Variants in MACROD2 observed in about 807,000 individuals in gnomAD.
The protein encoded by MACROD2 is mono-ADP ribosylhydrolase 2, also known as ADP-ribose glycohydrolase MACROD2.
A neutral mutation model predicts 70.4 loss-of-function variants in MACROD2; 36 were observed. The observed-to-expected ratio is 0.51, with a 90% CI of 0.39 to 0.68. The LOEUF (loss-of-function observed/expected upper bound fraction) is 0.68. Ranked by LOEUF, MACROD2 falls within the 30% of genes least tolerant of loss-of-function variation. The pLI is 0.00. For synonymous variants in MACROD2, 172 were observed against 178.8 expected, an observed-to-expected ratio of 0.96 and a Z score of 0.30; for missense variants, 496 against 538.4, an observed-to-expected ratio of 0.92 and a Z score of 0.78.
chr20:16,049,161 T>C (rs767058193), intron 17 of MACROD2, among the ~76,000 whole-genome samples: 4 of 151,646 alleles, frequency 2.6e-5, no homozygotes, highest in Non-Finnish European at 5.9e-5. Context: ...AGGAGTGGGG[T>C]AGTAGGGAAG....
intron 6 of MACROD2, among the ~76,000 whole-genome samples, chr20:15,406,096 C>A (rs891658843): frequency 6.6e-6 from 1 of 152,086 alleles, no homozygotes; most frequent in Non-Finnish European, 1.5e-5. Flanking sequence ...CTTGACAGGT[C>A]CTTTCACTGC....
intron 8 of MACROD2, among the ~76,000 whole-genome samples, chr20:15,746,548 T>G (rs1354463855): frequency 6.8e-6 from 1 of 147,858 alleles, no homozygotes; most frequent in Non-Finnish European, 1.5e-5. Flanking sequence ...TTGGCATGGT[T>G]GTTTGGTTTC....
At chr20:14,588,397 G>T (rs1392866024) in intron 4 of MACROD2, among the ~76,000 whole-genome samples, 1 of 152,012 alleles carries the variant, frequency 6.6e-6, no homozygotes, top group Non-Finnish European at 1.5e-5. Flanking sequence ...ACCTTAATAG[G>T]TCTTAAAAAT....
intron 3 of MACROD2, among the ~76,000 whole-genome samples, chr20:14,194,209 G>A (rs1260672427): frequency 6.6e-6 from 1 of 152,144 alleles, no homozygotes; most frequent in East Asian, 1.9e-4. Context: ...CTGTGGGTGG[G>A]TAAGTGGCTT....
At chr20:14,449,993 A>C (rs757609045) in intron 3 of MACROD2, among the ~76,000 whole-genome samples, 13 of 152,240 alleles carry the variant, frequency 8.5e-5, no homozygotes, top group Non-Finnish European at 1.5e-4. Context: ...AGCCCTGGAA[A>C]GACTGAAGGC....
At chr20:14,653,212 A>G (rs1162258347) in intron 4 of MACROD2, among the ~76,000 whole-genome samples, 2 of 142,516 alleles carry the variant, frequency 1.4e-5, no homozygotes, top group Non-Finnish European at 3.0e-5. Flanking sequence ...CAACATGTAC[A>G]GCAATTTTTT....
chr20:15,483,901 A>G (rs1363039569), intron 7 of MACROD2, among the ~76,000 whole-genome samples: 1 of 152,072 alleles, frequency 6.6e-6, no homozygotes, highest in East Asian at 1.9e-4. Flanking sequence ...TGACTTTTGT[A>G]TATTAACCTT....
At chr20:14,179,416 A>C (rs1288205589) in intron 3 of MACROD2, among the ~76,000 whole-genome samples, 1 of 152,114 alleles carries the variant, frequency 6.6e-6, no homozygotes. Context: ...GCCCTTGCTA[A>C]GTTTTCTATT....
chr20:16,015,106 C>G (rs2066911972), intron 15 of MACROD2, among the ~76,000 whole-genome samples: 1 of 152,030 alleles, frequency 6.6e-6, no homozygotes, highest in Non-Finnish European at 1.5e-5. Flanking sequence ...CCCTTAAAGA[C>G]TAAGAAGGAA....
intron 3 of MACROD2, among the ~76,000 whole-genome samples, chr20:14,372,596 T>C (rs755526468): frequency 6.6e-6 from 1 of 152,148 alleles, no homozygotes; most frequent in Non-Finnish European, 1.5e-5. Flanking sequence ...TATTAAATTG[T>C]TTCTTTGCTT....
At chr20:14,883,174 T>G (rs1260821143) in intron 5 of MACROD2, among the ~76,000 whole-genome samples, 2 of 152,164 alleles carry the variant, frequency 1.3e-5, no homozygotes, top group African/African-American at 4.8e-5. Context: ...CAACAACCCA[T>G]TTCCTAAAAA....
chr20:15,713,063 T>C (rs2050652190), intron 8 of MACROD2, among the ~76,000 whole-genome samples: 1 of 152,110 alleles, frequency 6.6e-6, no homozygotes, highest in South Asian at 2.1e-4. Context: ...TTTTCTTGGA[T>C]AGATTATTAA....
At chr20:14,102,788 G>T (rs1051431624) in intron 3 of MACROD2, among the ~76,000 whole-genome samples, 5 of 152,136 alleles carry the variant, frequency 3.3e-5, no homozygotes, top group African/African-American at 1.2e-4. Flanking sequence ...GATATATGGG[G>T]ATATAGGATG....
chr20:14,291,990 G>T (rs2082389927), intron 3 of MACROD2, among the ~76,000 whole-genome samples: 1 of 151,888 alleles, frequency 6.6e-6, no homozygotes, highest in African/African-American at 2.4e-5. Context: ...CTAAGCAAAG[G>T]TGTAGTTTTC....
rs1217704874 is a variant in MACROD2 at position 15,064,607 on chromosome 20, CATTTT to C, written c.419-165331_419-165327del. Among the ~76,000 whole-genome samples the C allele has an allele frequency of 2.0e-5, 3 of 152,160 alleles. No individual in the cohort carries two copies. The East Asian group carries it at 5.8e-4, about 29-fold the overall frequency. The stretch of plus-strand genomic sequence containing the variant: ...GTACTGGTATCAGCCATTTCCTAAA[CATTTT>C]AATGTTGCTGGTTTTGAATAATAGC... On this transcript the variant is annotated intron_variant, in intron 5 of 17. Transcript: ENST00000684519.
chr20:15,492,719 T>G (rs910526174), intron 7 of MACROD2, among the ~76,000 whole-genome samples: 4 of 152,242 alleles, frequency 2.6e-5, no homozygotes, highest in African/African-American at 7.2e-5. Flanking sequence ...AACTTCATAA[T>G]ATTTTTATTT....
chr20:14,485,882 A>G (rs554595048), intron 3 of MACROD2, among the ~76,000 whole-genome samples: 124 of 152,150 alleles, frequency 8.1e-4, no homozygotes, highest in Non-Finnish European at 1.3e-3. Context: ...TTCATTAACA[A>G]AGTAAACACT....
At chr20:14,170,937 G>T (rs1358354973) in intron 3 of MACROD2, among the ~76,000 whole-genome samples, 1 of 152,140 alleles carries the variant, frequency 6.6e-6, no homozygotes, top group Non-Finnish European at 1.5e-5. Context: ...TTCTTTGAAT[G>T]TTTGATAGAA....
chr20:15,035,455 T>C (rs2075305783), intron 5 of MACROD2, among the ~76,000 whole-genome samples: 1 of 151,966 alleles, frequency 6.6e-6, no homozygotes, highest in African/African-American at 2.4e-5. Context: ...TAAAAAATTG[T>C]AGTCAAATTT....
Sources: gnomAD v4.1 joint callset for allele counts (sites outside exome capture counted in the v4.1 genomes callset) on GRCh38, gnomAD v4.1.1 for gene constraint, MANE v1.5 for transcripts, NCBI Gene and HGNC (gene_info 2026-07-23, HGNC 2026-07-21) for gene names.